Variants in CFAP206 observed in about 807,000 individuals in gnomAD.
The protein encoded by CFAP206 is cilia and flagella associated protein 206.
A neutral mutation model predicts 65.4 loss-of-function variants in CFAP206; 53 were observed. The observed-to-expected ratio is 0.81, with a 90% confidence interval of 0.65 to 1.02. The LOEUF (loss-of-function observed/expected upper bound fraction) is 1.02. CFAP206 is among the 50% of genes least tolerant of loss of function. The pLI, the probability that CFAP206 is intolerant of heterozygous loss-of-function variation, is 0.00. For synonymous variants in CFAP206, 250 were observed against 254.4 expected (o/e 0.98, Z 0.17); for missense variants, 663 against 753.2 (o/e 0.88, Z 1.40).
chr6:87,456,332 TA>T, intron 11 of CFAP206, among the ~76,000 whole-genome samples: 1 of 152,196 alleles, frequency 6.6e-6, no homozygotes, highest in South Asian at 2.1e-4. Context: ...ATTCTATGAT[TA>T]AAAAACCTCA....
intron 7 of CFAP206, among the ~76,000 whole-genome samples, chr6:87,425,020 T>C (rs1259826946): frequency 6.6e-6 from 1 of 152,198 alleles, no homozygotes; most frequent in Non-Finnish European, 1.5e-5. Flanking sequence ...CAAATGCTTA[T>C]CCTGTCATCA....
At chr6:87,441,982 GT>G in intron 11 of CFAP206, 1 of 247,406 alleles carries the variant, frequency 4.0e-6, no homozygotes, top group Non-Finnish European at 8.4e-6. Flanking sequence ...CTGATTGTCA[GT>G]TTTTGTCACA....
intron 11 of CFAP206, among the ~76,000 whole-genome samples, chr6:87,445,795 A>G (rs1247489296): frequency 6.6e-6 from 1 of 152,142 alleles, no homozygotes; most frequent in Admixed American, 6.5e-5. Context: ...ATCTTCCACA[A>G]TGGTTGAACT....
chr6:87,414,021 C>A, intron 4 of CFAP206, 121 bp downstream of exon 4: 1 of 471,818 alleles, frequency 2.1e-6, no homozygotes, highest in Non-Finnish European at 3.5e-6. Flanking sequence ...TAATTTTTGG[C>A]AATCAACTTT....
chr6:87,445,056 T>C, intron 11 of CFAP206: 1 of 514,766 alleles, frequency 1.9e-6, no homozygotes, highest in Non-Finnish European at 3.9e-6. Flanking sequence ...CTTGAAGGCA[T>C]CTGTGAATAA....
intron 2 of CFAP206, among the ~76,000 whole-genome samples, 185 bp downstream of exon 2, chr6:87,410,132 A>G (rs951333383): frequency 6.6e-6 from 1 of 152,206 alleles, no homozygotes; most frequent in African/African-American, 2.4e-5. Context: ...TTCTAGATTT[A>G]TAGAGACATT....
Position 87,463,481 on chromosome 6 carries a change from C to T in CFAP206, c.1639-539C>T, listed in dbSNP as rs148485595. On this transcript the variant is annotated intron_variant, in intron 12 of 12. Coordinates refer to ENST00000369562, the MANE Select transcript of CFAP206 (RefSeq NM_001031743.3). Reference sequence around the variant, plus strand: ...ACCTTATTCTTCTTTTTATAAGCTCCTCCTTGCTTCCCAGCCTGAGTAATC... The same window carrying T: ...ACCTTATTCTTCTTTTTATAAGCTCTTCCTTGCTTCCCAGCCTGAGTAATC... 4.6e-5 allele frequency among the ~76,000 whole-genome samples: 7 copies of T among 152,230 alleles called. No individual in the cohort carries two copies. The East Asian group carries it at 1.4e-3, about 29-fold the overall frequency.
chr6:87,461,016 C>A lies in CFAP206; in HGVS notation c.1495-6C>A. ...AAGCACTAACTACAAAACTCCACTT[C>A]TTTAGATGAGAGATGCTGACAAACA... On this transcript the variant is annotated splice_polypyrimidine_tract_variant and splice_region_variant and intron_variant, in intron 11 of 12. Transcript: ENST00000369562. 1 of 1,569,186 alleles carries A rather than the reference C, an allele frequency of 6.4e-7. No individual in the cohort carries two copies. Among genetic ancestry groups the A allele is most frequent in the Non-Finnish European group, 8.6e-7 (1 of 1,164,938 alleles).
At chr6:87,463,942 A>G (rs913426331) in intron 12 of CFAP206, 78 bp from the exon 13 acceptor site, 5 of 1,131,964 alleles carry the variant, frequency 4.4e-6, no homozygotes, top group Non-Finnish European at 6.2e-6. Flanking sequence ...ATAGGCAGAT[A>G]TTAACTGGTA....
At chr6:87,428,230 C>T (rs963537752) in intron 8 of CFAP206, among the ~76,000 whole-genome samples, 14 of 151,784 alleles carry the variant, frequency 9.2e-5, no homozygotes, top group East Asian at 1.9e-4. Context: ...TCAGGTGATC[C>T]GCCCACCTTG....
At chr6:87,437,898 G>T (rs1043936648) in intron 11 of CFAP206, among the ~76,000 whole-genome samples, 1 of 145,908 alleles carries the variant, frequency 6.9e-6, no homozygotes, top group African/African-American at 2.6e-5. Context: ...TGCTCAGGCT[G>T]GTCTTGAACT....
chr6:87,415,639 A>G, intron 4 of CFAP206, 47 bp from the exon 5 acceptor site: 1 of 1,529,310 alleles, frequency 6.5e-7, no homozygotes, highest in Non-Finnish European at 9.0e-7. Flanking sequence ...ACGTAAGAAG[A>G]ATTCTAAAAA....
At chr6:87,438,644 A>G (rs1475300326) in intron 11 of CFAP206, among the ~76,000 whole-genome samples, 1 of 151,856 alleles carries the variant, frequency 6.6e-6, no homozygotes. Flanking sequence ...CCCTTCCTTC[A>G]TGGCCGATTT....
chr6:87,434,502 C>CTTTTTTT (rs377378986), intron 10 of CFAP206, among the ~76,000 whole-genome samples: 8 of 134,482 alleles, frequency 5.9e-5, no homozygotes, highest in South Asian at 2.3e-4. Flanking sequence ...TTTTCTTTTT[C>CTTTTTTT]TTTTTTTTTT....
chr6:87,419,828 G>A (rs533343806), intron 7 of CFAP206, among the ~76,000 whole-genome samples: 3 of 152,236 alleles, frequency 2.0e-5, no homozygotes, highest in Admixed American at 2.0e-4. Context: ...CAGGAGGAAG[G>A]ATCCTAGCTG....
chr6:87,442,458 A>C (rs1456239017), intron 11 of CFAP206, among the ~76,000 whole-genome samples: 1 of 152,126 alleles, frequency 6.6e-6, no homozygotes, highest in Non-Finnish European at 1.5e-5. Context: ...CGTACTGTGG[A>C]GGACTGTAGA....
At chr6:87,440,466 G>A (rs935897564) in intron 11 of CFAP206, among the ~76,000 whole-genome samples, 1 of 151,560 alleles carries the variant, frequency 6.6e-6, no homozygotes, top group Non-Finnish European at 1.5e-5. Flanking sequence ...TTTTTTTAAC[G>A]CGATATTGCT....
At chr6:87,411,412 C>T (rs1203510567) in intron 3 of CFAP206, among the ~76,000 whole-genome samples, 2 of 152,040 alleles carry the variant, frequency 1.3e-5, no homozygotes, top group East Asian at 1.9e-4. Flanking sequence ...TTGAGTTCCT[C>T]GTAGATCCTG....
At chr6:87,448,686 TCTACTCC>T (rs1359196330) in intron 11 of CFAP206, among the ~76,000 whole-genome samples, 1 of 152,140 alleles carries the variant, frequency 6.6e-6, no homozygotes, top group Non-Finnish European at 1.5e-5. Context: ...TAACCACTAT[TCTACTCC>T]CTACTTATAT....
Sources: gnomAD v4.1 joint callset for allele counts (sites outside exome capture counted in the v4.1 genomes callset) on GRCh38, gnomAD v4.1.1 for gene constraint, MANE v1.5 for transcripts, NCBI Gene and HGNC (gene_info 2026-07-23, HGNC 2026-07-21) for gene names.